SKP2: variants seen among roughly 807,000 people sequenced by gnomAD.
SKP2 encodes S-phase kinase associated protein 2.
A neutral mutation model predicts 51.8 loss-of-function variants in SKP2; 16 were observed. That is an observed-to-expected ratio of 0.31 (90% CI 0.21 to 0.47). SKP2 has a LOEUF of 0.47. SKP2 is among the 20% of genes least tolerant of loss of function. The pLI is 1.00. For missense variants in SKP2, 377 were observed against 505.3 expected (o/e 0.75, Z 2.43); for synonymous variants, 176 against 198.6 (o/e 0.89, Z 0.96).
intron 9 of SKP2, among the ~76,000 whole-genome samples, chr5:36,181,224 T>C (rs33663): frequency 0.91 from 138,663 of 152,172 alleles, 63,856 homozygotes; most frequent in Non-Finnish European, 0.98. Flanking sequence ...CCATTGTCTC[T>C]ACCTGTACCC....
In SKP2 at chr5:36,171,734, G is replaced by A; in HGVS notation, c.901+1G>A. On this transcript the variant is annotated splice_donor_variant, in intron 7 of 9. Transcript: ENST00000274255. LOFTEE classifies it high-confidence loss of function. Reference sequence around the variant, plus strand: ...TACAGAAAGAATCTCCAGAAATCAGGTTAGAGCTTCCAAGCCTGGACCACT... The same window carrying A: ...TACAGAAAGAATCTCCAGAAATCAGATTAGAGCTTCCAAGCCTGGACCACT... 1 of 1,613,702 alleles carries A rather than the reference G, an allele frequency of 6.2e-7. No individual in the cohort carries two copies. Among genetic ancestry groups the A allele is most frequent in the Non-Finnish European group, 8.5e-7 (1 of 1,179,728 alleles).
intron 3 of SKP2, among the ~76,000 whole-genome samples, chr5:36,166,061 A>G (rs1052279367): frequency 5.3e-5 from 8 of 152,228 alleles, no homozygotes; most frequent in African/African-American, 1.9e-4. Flanking sequence ...AATAATGCTA[A>G]CTTTCGTTCC....
chr5:36,189,104 G>A (rs1745981562), downstream of SKP2, among the ~76,000 whole-genome samples: 2 of 152,066 alleles, frequency 1.3e-5, no homozygotes, highest in Non-Finnish European at 2.9e-5. Context: ...CTCTACACTG[G>A]TTATTCTAGT....
At chr5:36,168,691 G>T (rs184023566) in intron 5 of SKP2, among the ~76,000 whole-genome samples, 8 of 152,226 alleles carry the variant, frequency 5.3e-5, no homozygotes, top group Non-Finnish European at 1.2e-4. Flanking sequence ...CAATGCATGT[G>T]TATTATTTGG....
rs139534350 is a variant in SKP2 at position 36,170,418 on chromosome 5, A to G, written c.746A>G (p.Gln249Arg). The G allele has an allele frequency of 4.2e-5, 68 of 1,611,382 alleles. No individual in the cohort carries two copies. In the African/African-American group the frequency reaches 8.8e-4, roughly 21 times the overall value. Reference protein sequence around the residue: ...GCSGFSEFALQTLLSSCSRLD... With the variant: ...GCSGFSEFALRTLLSSCSRLD... ...TCTGGATTCTCTGAATTTGCCCTGCAGACTTTGCTAAGCAGCTGTTCCAGG... is the reference window on the plus strand; with the variant it reads ...TCTGGATTCTCTGAATTTGCCCTGCGGACTTTGCTAAGCAGCTGTTCCAGG... Residue 249 changes from glutamine (Q) to arginine (R), a missense_variant, in exon 6 of 10, where the codon CAG (glutamine) becomes CGG (arginine). By Grantham distance (43) the Gln-to-Arg change is conservative. Coordinates refer to ENST00000274255, the MANE Select transcript of SKP2 (RefSeq NM_005983.4).
chr5:36,163,939 G>C (rs1018647417), intron 3 of SKP2, among the ~76,000 whole-genome samples, 183 bp downstream of exon 3: 1 of 152,174 alleles, frequency 6.6e-6, no homozygotes, highest in African/African-American at 2.4e-5. Flanking sequence ...TTTCCTGGGA[G>C]GGATAAACTT....
chr5:36,163,979 A>T lies in SKP2; in HGVS notation c.392+223A>T, dbSNP rs1006314756. Among the ~76,000 whole-genome samples the T allele has an allele frequency of 3.3e-5, 5 of 152,186 alleles. No individual in the cohort carries two copies. The East Asian group carries it at 7.7e-4, about 23-fold the overall frequency. On this transcript the variant is annotated intron_variant, in intron 3 of 9. Transcript: ENST00000274255. ...ATGTCTGGAAACCTCTTTGCCCTGT[A>T]TTCAGTGCAGCATGTGTTTATGGGA...
At chr5:36,164,164 C>T (rs984495214) in intron 3 of SKP2, among the ~76,000 whole-genome samples, 1 of 152,198 alleles carries the variant, frequency 6.6e-6, no homozygotes, top group Non-Finnish European at 1.5e-5. Flanking sequence ...GCCTCTGCTG[C>T]TTACGCTCTG....
At chr5:36,162,956 G>C (rs1398915731) in intron 2 of SKP2, among the ~76,000 whole-genome samples, 7 of 152,112 alleles carry the variant, frequency 4.6e-5, no homozygotes, top group Non-Finnish European at 8.8e-5. Flanking sequence ...ATAAGATCTT[G>C]TGGGAACTCA....
intron 2 of SKP2, among the ~76,000 whole-genome samples, chr5:36,162,332 C>T (rs1453164224): frequency 6.6e-6 from 1 of 152,200 alleles, no homozygotes; most frequent in Non-Finnish European, 1.5e-5. Context: ...AACACGTACA[C>T]CAGATACTCA....
chr5:36,162,860 C>T (rs1745166337), intron 2 of SKP2, among the ~76,000 whole-genome samples: 1 of 152,166 alleles, frequency 6.6e-6, no homozygotes, highest in Admixed American at 6.5e-5. Context: ...AACGTACAAG[C>T]TTGGTGGAAG....
chr5:36,152,926 T>G lies in SKP2; in HGVS notation c.164T>G (p.Leu55Arg). ...GACAGTGAGAACATCCCCCAGGAAC[T>G]GCTCTCAAACCTGGGCCACCCGGAG... ...EPDSENIPQE[L>R]LSNLGHPESP... Residue 55 changes from leucine (L) to arginine (R), a missense_variant, in exon 2 of 10, where the codon CTG becomes CGG. Physicochemically the swap from Leu to Arg is moderately radical, Grantham distance 102. Coordinates refer to ENST00000274255, the MANE Select transcript of SKP2 (RefSeq NM_005983.4). 6.2e-7 allele frequency: 1 copy of G among 1,614,126 alleles called. No individual in the cohort carries two copies. The highest frequency in any genetic ancestry group is 1.1e-5 in the South Asian group (1 of 91,080).
At position 36,170,352 on chromosome 5, in the gene SKP2, C is replaced by T. The variant is rs1287252478; in HGVS notation, c.680C>T (p.Ala227Val). 6.2e-6 allele frequency: 10 copies of T among 1,609,148 alleles called. No individual in the cohort carries two copies. In the African/African-American group the frequency reaches 8.0e-5, roughly 13 times the overall value. Residue 227 changes from alanine to valine, a missense_variant, in exon 6 of 10, where the codon GCA becomes GTA. This residue lies in a region of SKP2 where 262 missense variants were observed against 389.8 expected (regional missense o/e 0.67). Transcript: ENST00000274255. ...RLSDPIVNTLAKNSNLVRLNL... is the reference protein window; with the variant it reads ...RLSDPIVNTLVKNSNLVRLNL... ...TTTTTCTCTTTTTCCAGTACTCTCG[C>T]AAAAAACTCAAATTTAGTGCGACTT...
chr5:36,166,649 GC>G lies in SKP2; in HGVS notation c.524del (p.Ala175ValfsTer19). On this transcript the variant is annotated frameshift_variant, in exon 4 of 10. Transcript: ENST00000274255. LOFTEE classifies it high-confidence loss of function. ...ACGATCATTTATGGACCAACCATTG[GC>G]TGAACATTTCAGGTAAAGATGAAAA... is the stretch of plus-strand genomic sequence containing the variant. ...CPRSFMDQPLAEHFSPFRVQH... is the reference protein window; with the variant it reads ...CPRSFMDQPLXEHFSPFRVQH... 6.2e-7 allele frequency: 1 copy of G among 1,613,868 alleles called. No homozygotes were observed. The highest frequency in any genetic ancestry group is 8.5e-7 in the Non-Finnish European group (1 of 1,179,890).
chr5:36,152,157 G>GC lies in SKP2; in HGVS notation c.-103dup. On this transcript the variant is annotated 5_prime_UTR_variant, in exon 1 of 10. Coordinates refer to ENST00000274255, the MANE Select transcript of SKP2 (RefSeq NM_005983.4). ...GGCTTAGCGGGTCTGGCTGCTGGGG[G>GC]CCCGAGCAGCACGCTCGGAGCCGCC... The GC allele has an allele frequency of 8.5e-7, 1 of 1,175,050 alleles. No individual in the cohort carries two copies. The allele number at this position is 1,175,050 out of a possible 1,614,324, so 72.8% of individuals were successfully genotyped here. A position where few individuals can be genotyped will look rare whatever the true frequency, so the allele number is the denominator to read the frequency against.
At chr5:36,153,561 T>C (rs1744831459) in intron 2 of SKP2, among the ~76,000 whole-genome samples, 2 of 152,142 alleles carry the variant, frequency 1.3e-5, no homozygotes, top group Admixed American at 6.5e-5. Flanking sequence ...GCTGACACTA[T>C]CTGTTTAATC....
chr5:36,164,660 A>C (rs999457703), intron 3 of SKP2, among the ~76,000 whole-genome samples: 1 of 152,174 alleles, frequency 6.6e-6, no homozygotes, highest in African/African-American at 2.4e-5. Context: ...AGCCGCAGAG[A>C]GGGTTGCACA....
intron 2 of SKP2, chr5:36,155,228 A>G (rs1744906976): frequency 6.6e-6 from 1 of 152,190 alleles, no homozygotes; most frequent in African/African-American, 2.4e-5. Flanking sequence ...TTTAATTAAG[A>G]AAATAAATAC....
chr5:36,188,503 G>A (rs1284078392), downstream of SKP2, among the ~76,000 whole-genome samples: 1 of 152,128 alleles, frequency 6.6e-6, no homozygotes, highest in Non-Finnish European at 1.5e-5. Context: ...TAGTTTGGCT[G>A]GATATGAAAT....
Sources: gnomAD v4.1 joint callset for allele counts (sites outside exome capture counted in the v4.1 genomes callset) on GRCh38, gnomAD v4.1.1 for gene constraint, gnomAD v4.1.1 regional missense constraint, MANE v1.5 for transcripts, NCBI Gene and HGNC (gene_info 2026-07-23, HGNC 2026-07-21) for gene names.